TMX3: variants seen among roughly 807,000 people sequenced by gnomAD.
TMX3 encodes thioredoxin related transmembrane protein 3.
In TMX3, 40 loss-of-function variants were observed where a neutral mutation model predicts 64.4. The observed-to-expected ratio is 0.62, with a 90% CI of 0.48 to 0.81. The LOEUF is 0.81. TMX3 is among the 30% of genes least tolerant of loss of function. The pLI is 0.00. For synonymous variants in TMX3, 189 were observed against 175.7 expected (o/e 1.08, Z -0.60); for missense variants, 497 against 534.5 (o/e 0.93, Z 0.69).
intron 4 of TMX3, 128 bp downstream of exon 4, chr18:68,709,893 G>A: frequency 1.2e-6 from 1 of 820,662 alleles, no homozygotes; most frequent in Non-Finnish European, 1.8e-6. Flanking sequence ...AAAGTATACA[G>A]TCTTAAATTA....
chr18:68,708,653 C>T (rs1001481083), intron 4 of TMX3, among the ~76,000 whole-genome samples: 9 of 152,090 alleles, frequency 5.9e-5, no homozygotes, highest in Non-Finnish European at 1.5e-5. Flanking sequence ...CTTTATTTTC[C>T]ATCCTAAAAG....
chr18:68,681,324 G>A (rs574224013), intron 13 of TMX3: 22 of 566,000 alleles, frequency 3.9e-5, no homozygotes, highest in Admixed American at 1.5e-4. Context: ...TCTAGGATAC[G>A]CAATTCATCT....
chr18:68,691,234 G>T, intron 9 of TMX3, 61 bp downstream of exon 9: 1 of 1,181,314 alleles, frequency 8.5e-7, no homozygotes, highest in Non-Finnish European at 1.2e-6. Context: ...TTACACCTAA[G>T]TTGTATAACA....
chr18:68,679,755 A>G (rs1456682302), intron 14 of TMX3, among the ~76,000 whole-genome samples: 1 of 152,012 alleles, frequency 6.6e-6, no homozygotes, highest in Admixed American at 6.6e-5. Context: ...ACTCTAAACA[A>G]TTCCTCCTCC....
chr18:68,682,150 C>T lies in TMX3; in HGVS notation c.905+775G>A, dbSNP rs73967583. Among the ~76,000 whole-genome samples, 846 of 152,206 alleles carry T rather than the reference C, an allele frequency of 5.6e-3. 10 individuals carry two copies. The highest frequency in any genetic ancestry group is 0.019 in the African/African-American group (802 of 41,524). On this transcript the variant is annotated intron_variant, in intron 13 of 15. Transcript: ENST00000299608. ...CAGTTCTGTAACTAACATCTGTGGT[C>T]TTATCCAGTGGACTGTAAGCATTTA...
chr18:68,693,285 G>A (rs937497468), intron 8 of TMX3, among the ~76,000 whole-genome samples: 2 of 152,246 alleles, frequency 1.3e-5, no homozygotes, highest in African/African-American at 2.4e-5. Context: ...TGGAGCCAGC[G>A]GGGGCCGGGA....
rs375234012 is a variant in TMX3 at position 68,702,175 on chromosome 18, C to CAAAAAAAAAA, written c.266-395_266-386dup. ...TCTTCTAGGTCTCATTTACTCCTCT[C>CAAAAAAAAAA]AAAAAAAAAAAAAAAAAAAAAAAAA... On this transcript the variant is annotated intron_variant, in intron 4 of 15. Transcript: ENST00000299608. Among the ~76,000 whole-genome samples the CAAAAAAAAAA allele has an allele frequency of 5.2e-4, 23 of 44,060 alleles. 3 individuals carry two copies. Among genetic ancestry groups the CAAAAAAAAAA allele is most frequent in the African/African-American group, 1.5e-3 (20 of 13,210 alleles). The allele number at this position is 44,060 out of a possible 152,430, so 28.9% of individuals were successfully genotyped here.
At chr18:68,691,235 T>C (rs1202528436) in intron 9 of TMX3, 60 bp downstream of exon 9, 10 of 1,189,972 alleles carry the variant, frequency 8.4e-6, no homozygotes, top group East Asian at 7.5e-5. Context: ...TACACCTAAG[T>C]TGTATAACAG....
chr18:68,710,075 T>C lies in TMX3; in HGVS notation c.211A>G (p.Lys71Glu), dbSNP rs2031115799. 1 of 1,605,422 alleles carries C rather than the reference T, an allele frequency of 6.2e-7. No individual in the cohort carries two copies. The highest frequency in any genetic ancestry group is 1.1e-5 in the South Asian group (1 of 89,428). Residue 71 changes from lysine (K) to glutamate (E), a missense_variant, in exon 4 of 16, where the codon AAA (lysine) becomes GAA (glutamate). Physicochemically the swap from Lys to Glu is moderately conservative, Grantham distance 56 (BLOSUM62 1). This residue lies in a region of TMX3 where 360 missense variants were observed against 383.5 expected (regional missense o/e 0.94). Transcript: ENST00000299608. ...PIWNEVGLEM[K>E]SIGSPVKVGK... ...ACCTTAACTGGAGAACCAATGCTTT[T>C]CATCTCAAGACCAACTTCATTCCAA...
intron 9 of TMX3, chr18:68,688,070 A>C (rs1467088499): frequency 5.5e-6 from 1 of 182,590 alleles, no homozygotes; most frequent in Non-Finnish European, 1.1e-5. Context: ...ATCATTTATA[A>C]ATTTTCAAAA....
Position 68,710,047 on chromosome 18 carries a change from C to G in TMX3, c.239G>C (p.Gly80Ala). The part of the protein sequence containing the change: ...MKSIGSPVKV[G>A]KMDATSYSSI... ...AGAATAGGAAGTAGCATCCATCTTTCCAACCTTAACTGGAGAACCAATGCT... is the reference window on the plus strand; with the variant it reads ...AGAATAGGAAGTAGCATCCATCTTTGCAACCTTAACTGGAGAACCAATGCT... The change falls in exon 4 of 16, where the codon GGA becomes GCA. Residue 80 changes from glycine (G) to alanine (A), a missense_variant. By Grantham distance (60) the Gly-to-Ala change is moderately conservative. Coordinates refer to ENST00000299608, the MANE Select transcript of TMX3 (RefSeq NM_019022.5). 6.3e-7 allele frequency: 1 copy of G among 1,590,610 alleles called. No individual in the cohort carries two copies. The highest frequency in any genetic ancestry group is 8.5e-7 in the Non-Finnish European group (1 of 1,169,644).
chr18:68,694,251 C>T (rs540927955), intron 8 of TMX3, among the ~76,000 whole-genome samples: 16 of 152,290 alleles, frequency 1.1e-4, no homozygotes, highest in Non-Finnish European at 2.2e-4. Flanking sequence ...TTTGGGGCTC[C>T]CCAAGTCAGG....
chr18:68,701,528 C>G (rs2030061832), intron 5 of TMX3: 1 of 1,108,248 alleles, frequency 9.0e-7, no homozygotes. Flanking sequence ...ACACAGCAAG[C>G]AAAACACGTG....
chr18:68,690,449 C>T (rs904103704), intron 9 of TMX3, among the ~76,000 whole-genome samples: 31 of 152,076 alleles, frequency 2.0e-4, no homozygotes, highest in African/African-American at 6.8e-4. Flanking sequence ...TCACTGCTTC[C>T]CTTGAAATTT....
chr18:68,701,668 C>G (rs765872203), intron 5 of TMX3, 77 bp downstream of exon 5: 1 of 1,595,202 alleles, frequency 6.3e-7, no homozygotes, highest in Non-Finnish European at 8.6e-7. Context: ...AGGGAATCTA[C>G]TAGAAATTAA....
In TMX3 at chr18:68,696,877, A is replaced by AACACACACACAC. The variant is rs35563490; in HGVS notation, c.570+337_570+348dup. On this transcript the variant is annotated intron_variant, in intron 8 of 15. Coordinates refer to ENST00000299608, the MANE Select transcript of TMX3 (RefSeq NM_019022.5). The stretch of plus-strand genomic sequence containing the variant: ...AGGACCCAAAAAAGACTGTATCTGC[A>AACACACACACAC]ACACACACACACACACACACACATA... 7.3e-3 allele frequency: 1,230 copies of AACACACACACAC among 168,098 alleles called. 24 individuals carry two copies. The highest frequency in any genetic ancestry group is 0.05 in the East Asian group (285 of 5,648). 10.4% of individuals were successfully genotyped at this position (168,098 alleles called of 1,614,324 possible).
At chr18:68,700,574 T>C in intron 5 of TMX3, 89 bp from the exon 6 acceptor site, 1 of 1,074,190 alleles carries the variant, frequency 9.3e-7, no homozygotes, top group South Asian at 2.3e-5. Flanking sequence ...CATAAAATTA[T>C]ATTACATAAA....
chr18:68,714,846 C>T, intron 1 of TMX3, 90 bp downstream of exon 1: 1 of 1,515,366 alleles, frequency 6.6e-7, no homozygotes, highest in South Asian at 1.2e-5. Flanking sequence ...ACCCCGCAGG[C>T]CTCGCCCCAG....
chr18:68,698,884 T>TGGTAGCGGGTGC lies in TMX3; in HGVS notation c.393-854_393-853insGCACCCGCTACC, dbSNP rs1555688725. On this transcript the variant is annotated intron_variant, in intron 6 of 15. Coordinates refer to ENST00000299608, the MANE Select transcript of TMX3 (RefSeq NM_019022.5). ...ACAAAAAAAAAAAATTAGCCGGGCG[T>TGGTAGCGGGTGC]GGTAGCGGGCGCCTGTAGTCCCAGC... Among the ~76,000 whole-genome samples, 36 of 149,672 alleles carry TGGTAGCGGGTGC rather than the reference T, an allele frequency of 2.4e-4. No individual in the cohort carries two copies. The South Asian group carries it at 7.2e-3, about 30-fold the overall frequency.
Sources: allele counts gnomAD v4.1 joint callset (sites outside exome capture counted in the v4.1 genomes callset), GRCh38; gene constraint gnomAD v4.1.1; regional missense constraint gnomAD v4.1.1; transcripts MANE v1.5; gene names NCBI Gene and HGNC (gene_info 2026-07-23, HGNC 2026-07-21).